The following OTULINL variants were observed in gnomAD, a reference collection of about 807,000 sequenced individuals.
OTULINL encodes OTU deubiquitinase with linear linkage specificity like.
In OTULINL, 42 loss-of-function variants were observed where a neutral mutation model predicts 43.9. The ratio of observed to expected loss-of-function variants is 0.96; its 90% CI spans 0.75 to 1.24. The LOEUF (loss-of-function observed/expected upper bound fraction) is 1.24, where lower values mean the gene tolerates loss of function less well. Among genes scored for constraint, OTULINL ranks in the 50% most tolerant of loss-of-function variants. The pLI, the probability that OTULINL is intolerant of heterozygous loss-of-function variation, is 0.00. For synonymous variants in OTULINL, 172 were observed against 153.6 expected (o/e 1.12, Z -0.88); for missense variants, 411 against 426.4 (o/e 0.96, Z 0.32).
At position 14,606,904 on chromosome 5, in the gene OTULINL, C is replaced by T. The variant is rs536085506; in HGVS notation, c.499-426C>T. Reference sequence around the variant, plus strand: ...AAGAAGGCAATATACTTAACTGTTGCTATAGTCTTTTAAAATAAAGATTGC... The same window carrying T: ...AAGAAGGCAATATACTTAACTGTTGTTATAGTCTTTTAAAATAAAGATTGC... On this transcript the variant is annotated intron_variant, in intron 5 of 7. Coordinates refer to ENST00000274217, the MANE Select transcript of OTULINL (RefSeq NM_019018.3). 1.4e-3 allele frequency among the ~76,000 whole-genome samples: 206 copies of T among 152,280 alleles called. 1 individual carries two copies. Among genetic ancestry groups the T allele is most frequent in the African/African-American group, 4.5e-3 (185 of 41,542 alleles).
At chr5:14,605,474 T>G (rs1334805839) in intron 5 of OTULINL, among the ~76,000 whole-genome samples, 1 of 152,208 alleles carries the variant, frequency 6.6e-6, no homozygotes, top group East Asian at 1.9e-4. Context: ...CCTCATTGTC[T>G]TGGTGATTAA....
intron 1 of OTULINL, among the ~76,000 whole-genome samples, chr5:14,582,430 G>C (rs999982201): frequency 6.6e-6 from 1 of 152,092 alleles, no homozygotes; most frequent in African/African-American, 2.4e-5. Context: ...CCTGCTGGCA[G>C]AGGATGTGGC....
rs572295670 is a variant in OTULINL at position 14,589,275 on chromosome 5, G to A, written c.64+7317G>A. ...AGGGATTTGCTCAAGCCTGGAGGTT[G>A]GAAACAGAGAAGTGATGTTTGAGCT... On this transcript the variant is annotated intron_variant, in intron 1 of 7. Transcript: ENST00000274217. Among the ~76,000 whole-genome samples, 11 of 152,322 alleles carry A rather than the reference G, an allele frequency of 7.2e-5. No individual in the cohort carries two copies. The South Asian group carries it at 1.7e-3, about 23-fold the overall frequency.
chr5:14,582,362 G>A (rs900796319), intron 1 of OTULINL, among the ~76,000 whole-genome samples: 3 of 152,038 alleles, frequency 2.0e-5, no homozygotes, highest in African/African-American at 4.8e-5. Context: ...TGGACCCGCG[G>A]GGCCCCGTGT....
chr5:14,581,880 C>G lies in OTULINL; in HGVS notation c.-15C>G. 7.1e-7 allele frequency: 1 copy of G among 1,407,974 alleles called. No homozygotes were observed. Among genetic ancestry groups the G allele is most frequent in the South Asian group, 1.4e-5 (1 of 69,778 alleles). The allele number at this position is 1,407,974 out of a possible 1,614,324, so 87.2% of individuals were successfully genotyped here. Reference sequence around the variant, plus strand: ...CACGGGCCGAGGCCCAGCGCCCGTCCGCAGCGCGGCCGGCATGGCGGCGAC... The same window carrying G: ...CACGGGCCGAGGCCCAGCGCCCGTCGGCAGCGCGGCCGGCATGGCGGCGAC... On this transcript the variant is annotated 5_prime_UTR_variant, in exon 1 of 8. Coordinates refer to ENST00000274217, the MANE Select transcript of OTULINL (RefSeq NM_019018.3).
chr5:14,583,423 C>T (rs1334348246), intron 1 of OTULINL, among the ~76,000 whole-genome samples: 1 of 152,076 alleles, frequency 6.6e-6, no homozygotes, highest in Non-Finnish European at 1.5e-5. Context: ...ATGTTATTTT[C>T]TTTTCTCCTC....
rs1298107209 is a variant in OTULINL at position 14,615,492 on chromosome 5, G to A, written c.*5178G>A. On this transcript the variant is annotated 3_prime_UTR_variant, in exon 8 of 8. Transcript: ENST00000274217. ...GGACCAGAAAAGCTGCTTGGGTGTG[G>A]TGGAAGTTTCAGTGTAATGTGATTC... 6.6e-6 allele frequency among the ~76,000 whole-genome samples: 1 copy of A among 152,190 alleles called. No homozygotes were observed. Among genetic ancestry groups the A allele is most frequent in the Non-Finnish European group, 1.5e-5 (1 of 68,042 alleles).
intron 1 of OTULINL, among the ~76,000 whole-genome samples, chr5:14,592,309 AAGAG>A (rs978693333): frequency 3.9e-5 from 6 of 152,208 alleles, no homozygotes; most frequent in African/African-American, 1.4e-4. Context: ...TCTAAACTAT[AAGAG>A]AGAAAGATGC....
Position 14,611,700 on chromosome 5 carries a change from T to G in OTULINL, c.*1386T>G, listed in dbSNP as rs1265964299. The G allele has an allele frequency of 6.6e-6, 1 of 152,032 alleles. No individual in the cohort carries two copies. The highest frequency in any genetic ancestry group is 1.9e-4 in the East Asian group (1 of 5,184). 9.4% of individuals were successfully genotyped at this position (152,032 alleles called of 1,614,324 possible). A position where few individuals can be genotyped will look rare whatever the true frequency, so the allele number is the denominator to read the frequency against. ...TTGGAAATACTTTTCTAGTTTAATT[T>G]GATAGTTTTTTTTTTGGAGGTACTT... is the stretch of plus-strand genomic sequence containing the variant. On this transcript the variant is annotated 3_prime_UTR_variant, in exon 8 of 8. Coordinates refer to ENST00000274217, the MANE Select transcript of OTULINL (RefSeq NM_019018.3).
intron 5 of OTULINL, among the ~76,000 whole-genome samples, chr5:14,603,008 G>T (rs939631210): frequency 6.6e-6 from 1 of 152,154 alleles, no homozygotes; most frequent in Non-Finnish European, 1.5e-5. Context: ...CCCAGCCCCT[G>T]AAAACCACTG....
chr5:14,588,191 A>G (rs193264255), intron 1 of OTULINL, among the ~76,000 whole-genome samples: 2 of 152,272 alleles, frequency 1.3e-5, no homozygotes, highest in East Asian at 3.9e-4. Flanking sequence ...TTTCACAACT[A>G]TTTCCAATCC....
At chr5:14,596,339 C>T (rs1759287263) in intron 1 of OTULINL, among the ~76,000 whole-genome samples, 2 of 152,166 alleles carry the variant, frequency 1.3e-5, no homozygotes, top group South Asian at 4.1e-4. Context: ...GCAGAATTCT[C>T]CTTGGCAGGC....
Position 14,601,215 on chromosome 5 carries a change from G to T in OTULINL, c.227G>T (p.Trp76Leu), listed in dbSNP as rs775873839. ...TATTGTTCCCTTTTATCTTTCAGGTGGATTGGATATCTGCAGAGAAAATTC... is the reference window on the plus strand; with the variant it reads ...TATTGTTCCCTTTTATCTTTCAGGTTGATTGGATATCTGCAGAGAAAATTC... ...HLYSGHKLKW[W>L]IGYLQRKFKR... The change falls in exon 3 of 8, where the codon TGG becomes TTG. Residue 76 changes from tryptophan (W) to leucine (L), a missense_variant and splice_region_variant. Transcript: ENST00000274217. 6 of 1,612,358 alleles carry T rather than the reference G, an allele frequency of 3.7e-6. No homozygotes were observed. Among genetic ancestry groups the T allele is most frequent in the South Asian group, 1.1e-5 (1 of 90,586 alleles).
chr5:14,608,694 G>A lies in OTULINL; in HGVS notation c.628-54G>A, dbSNP rs1487442369. 3.0e-6 allele frequency: 4 copies of A among 1,335,694 alleles called. No homozygotes were observed. The African/African-American group carries it at 5.9e-5, about 20-fold the overall frequency. The allele number at this position is 1,335,694 out of a possible 1,614,324, so 82.7% of individuals were successfully genotyped here. On this transcript the variant is annotated intron_variant, in intron 6 of 7. Coordinates refer to ENST00000274217, the MANE Select transcript of OTULINL (RefSeq NM_019018.3). ...ATAAATACATTAAAAGTTATGGAAT[G>A]GTATATGTCTTCACCTTTATCCTTC...
At chr5:14,601,568 C>CTG in intron 4 of OTULINL, 126 bp downstream of exon 4, 2 of 868,694 alleles carry the variant, frequency 2.3e-6, no homozygotes, top group South Asian at 3.5e-5. Context: ...CAAGTAACAA[C>CTG]TGTGGCTCTA....
intron 1 of OTULINL, among the ~76,000 whole-genome samples, chr5:14,595,664 T>TG (rs1759274466): frequency 7.1e-6 from 1 of 140,846 alleles, no homozygotes. Flanking sequence ...TTTTTTTTTT[T>TG]TTTGTGTAGT....
intron 4 of OTULINL, 71 bp downstream of exon 4, chr5:14,601,513 T>A: frequency 7.5e-7 from 1 of 1,341,376 alleles, no homozygotes; most frequent in Non-Finnish European, 1.1e-6. Flanking sequence ...AACATTCCCT[T>A]CTGCTTTACT....
chr5:14,588,230 T>G (rs1032483941), intron 1 of OTULINL, among the ~76,000 whole-genome samples: 1 of 152,192 alleles, frequency 6.6e-6, no homozygotes, highest in African/African-American at 2.4e-5. Flanking sequence ...TCCTCCAACA[T>G]AACTCTGAAA....
At chr5:14,598,700 G>A (rs1027526286) in intron 1 of OTULINL, among the ~76,000 whole-genome samples, 3 of 152,068 alleles carry the variant, frequency 2.0e-5, no homozygotes, top group African/African-American at 4.8e-5. Flanking sequence ...CCTGGGCAAC[G>A]GCACAAGACC....
Sources: allele counts gnomAD v4.1 joint callset (sites outside exome capture counted in the v4.1 genomes callset), GRCh38; gene constraint gnomAD v4.1.1; transcripts MANE v1.5; gene names NCBI Gene and HGNC (gene_info 2026-07-23, HGNC 2026-07-21).